The following TNNI2 variants were observed in gnomAD, a reference collection of about 807,000 sequenced individuals.
The protein encoded by TNNI2 is troponin I2, fast skeletal type.
A neutral mutation model predicts 26.5 loss-of-function variants in TNNI2; 14 were observed. The observed-to-expected ratio is 0.53, with a 90% CI of 0.35 to 0.83. TNNI2 has a LOEUF of 0.83. Among genes scored for constraint, TNNI2 ranks in the 40% least tolerant of loss-of-function variants. The probability of loss-of-function intolerance (pLI) is 0.01; values close to 1 mark genes in which losing one functional copy is unlikely to be tolerated. For missense variants in TNNI2, 205 were observed against 248.5 expected (o/e 0.82, Z 1.18); for synonymous variants, 126 against 97.6 (o/e 1.29, Z -1.71).
At position 1,840,449 on chromosome 11, in the gene TNNI2, G is replaced by A. The variant is rs772633470; in HGVS notation, c.57+5G>A. Reference sequence around the variant, plus strand: ...GCCCGCAGGCAGCACCTGAAGGTAGGTGTGGGCTCCCGGGGGGGTGGCCCA... The same window carrying A: ...GCCCGCAGGCAGCACCTGAAGGTAGATGTGGGCTCCCGGGGGGGTGGCCCA... On this transcript the variant is annotated splice_donor_5th_base_variant and intron_variant, in intron 4 of 7. Transcript: ENST00000381911. 13 of 1,610,962 alleles carry A rather than the reference G, an allele frequency of 8.1e-6. No individual in the cohort carries two copies. Among genetic ancestry groups the A allele is most frequent in the Non-Finnish European group, 1.1e-5 (13 of 1,179,594 alleles).
Position 1,840,378 on chromosome 11 carries a change from C to G in TNNI2, c.16-25C>G, listed in dbSNP as rs767879364. ...TGCTCCAGGCCTGGAGGCCCTGACT[C>G]GACCCCCTGTCCCCTGCCCTGCAGA... is the stretch of plus-strand genomic sequence containing the variant. On this transcript the variant is annotated intron_variant, in intron 3 of 7. Coordinates refer to ENST00000381911, the MANE Select transcript of TNNI2 (RefSeq NM_003282.4). 10 of 1,602,412 alleles carry G rather than the reference C, an allele frequency of 6.2e-6. No homozygotes were observed. The East Asian group carries it at 2.0e-4, about 32-fold the overall frequency.
chr11:1,840,905 G>T lies in TNNI2; in HGVS notation c.273G>T (p.Lys91Asn), dbSNP rs765640080. The T allele has an allele frequency of 6.2e-7, 1 of 1,611,966 alleles. No homozygotes were observed. Among genetic ancestry groups the T allele is most frequent in the South Asian group, 1.1e-5 (1 of 91,008 alleles). ...AGGTGAGGGTGCAGAAGACCAGCAAGGAGGTGAGTGGTGGCGGCGGGCCGG... is the reference window on the plus strand; with the variant it reads ...AGGTGAGGGTGCAGAAGACCAGCAATGAGGTGAGTGGTGGCGGCGGGCCGG... ...DMEVRVQKTS[K>N]ELEDMNQKLF... Residue 91 changes from lysine (K) to asparagine (N), a missense_variant, in exon 6 of 8, where the codon AAG becomes AAT. Lys to Asn is a moderately conservative substitution (Grantham distance 94, BLOSUM62 0). Transcript: ENST00000381911.
At chr11:1,840,368 G>T in intron 3 of TNNI2, 35 bp from the exon 4 acceptor site, 1 of 1,596,014 alleles carries the variant, frequency 6.3e-7, no homozygotes, top group East Asian at 2.3e-5. Flanking sequence ...CAGGCCTGGA[G>T]GCCCTGACTC....
At chr11:1,840,068 C>A in intron 3 of TNNI2, 2 of 1,080,790 alleles carry the variant, frequency 1.9e-6, no homozygotes, top group Non-Finnish European at 2.7e-6. Flanking sequence ...GTGGCTGTGG[C>A]CTGGTCACAG....
rs1315543039 is a variant in TNNI2 at position 1,840,593 on chromosome 11, G to A, written c.123G>A (p.Lys41=). The change falls in exon 5 of 8, where the codon AAG becomes AAA. Residue 41 remains lysine (K), a synonymous_variant. Coordinates refer to ENST00000381911, the MANE Select transcript of TNNI2 (RefSeq NM_003282.4). ...AGGAGAGCCGCCGTGAGGCAGAGAA[G>A]CAGAACTACCTGGCGGAGCACTGCC... is the stretch of plus-strand genomic sequence containing the variant. ...EKEESRREAE[K]QNYLAEHCPP... is the part of the protein sequence containing the mutation. 1.2e-6 allele frequency: 2 copies of A among 1,612,730 alleles called. No individual in the cohort carries two copies. The highest frequency in any genetic ancestry group is 3.3e-5 in the Admixed American group (2 of 60,010).
At position 1,839,556 on chromosome 11, in the gene TNNI2, G is replaced by C; in HGVS notation, c.-22-119G>C. On this transcript the variant is annotated intron_variant, in intron 1 of 7. Transcript: ENST00000381911. ...AGAGTAGGGGGAGGAGGTGAGAGTA[G>C]GGGGTGGGCGGGAGGGGGCTGTCAT... The C allele has an allele frequency of 4.2e-6, 4 of 960,172 alleles. No individual in the cohort carries two copies. In the South Asian group the frequency reaches 6.1e-5, roughly 15 times the overall value. The allele number at this position is 960,172 out of a possible 1,614,324, so 59.5% of individuals were successfully genotyped here.
At position 1,840,693 on chromosome 11, in the gene TNNI2, A is replaced by T. The variant is rs374343181; in HGVS notation, c.186+37A>T. The T allele has an allele frequency of 6.8e-6, 11 of 1,612,134 alleles. No homozygotes were observed. In the African/African-American group the frequency reaches 9.3e-5, roughly 14 times the overall value. ...TCCCCGGCCACCCCGCCTCCCCAGC[A>T]GCAGGCCTGCCTGCTAACTCAGTTT... On this transcript the variant is annotated intron_variant, in intron 5 of 7. Transcript: ENST00000381911.
intron 1 of TNNI2, chr11:1,839,446 G>A (rs1234898088): frequency 3.1e-5 from 14 of 445,380 alleles, no homozygotes; most frequent in Non-Finnish European, 5.9e-5. Flanking sequence ...CAGCTCCTCA[G>A]GCTATGCCTG....
chr11:1,839,936 G>C, intron 3 of TNNI2, 81 bp downstream of exon 3: 1 of 1,586,716 alleles, frequency 6.3e-7, no homozygotes, highest in Non-Finnish European at 8.6e-7. Context: ...ACAGCCTCAA[G>C]GCCCTAAGGC....
chr11:1,839,999 C>T, intron 3 of TNNI2, 144 bp downstream of exon 3: 1 of 1,299,322 alleles, frequency 7.7e-7, no homozygotes, highest in Non-Finnish European at 1.1e-6. Context: ...CACCCACCCA[C>T]CAAGACGCTG....
chr11:1,840,798 C>A (rs199609526), intron 5 of TNNI2, 21 bp from the exon 6 acceptor site: 1 of 1,605,574 alleles, frequency 6.2e-7, no homozygotes, highest in East Asian at 2.3e-5. Flanking sequence ...GACGGCCGCC[C>A]GCCCCCACAC....
intron 3 of TNNI2, 137 bp downstream of exon 3, chr11:1,839,992 C>T: frequency 2.9e-6 from 4 of 1,358,858 alleles, no homozygotes; most frequent in Non-Finnish European, 3.0e-6. Flanking sequence ...AGTGCCCCAC[C>T]CACCCACCAA....
At position 1,840,310 on chromosome 11, in the gene TNNI2, C is replaced by T. The variant is rs997702386; in HGVS notation, c.16-93C>T. On this transcript the variant is annotated intron_variant, in intron 3 of 7. Coordinates refer to ENST00000381911, the MANE Select transcript of TNNI2 (RefSeq NM_003282.4). ...CCCCAGGCTCTGCTGGTCCCGGAGC[C>T]GGAGCCCCTGACCTGGCCAGGGAGC... is the stretch of plus-strand genomic sequence containing the variant. 46 of 1,547,382 alleles carry T rather than the reference C, an allele frequency of 3.0e-5. 1 individual carries two copies. The highest frequency in any genetic ancestry group is 3.6e-5 in the South Asian group (3 of 84,154).
At position 1,840,659 on chromosome 11, in the gene TNNI2, A is replaced by G. The variant is rs773232933; in HGVS notation, c.186+3A>G. 1 of 1,612,528 alleles carries G rather than the reference A, an allele frequency of 6.2e-7. No homozygotes were observed. Among genetic ancestry groups the G allele is most frequent in the South Asian group, 1.1e-5 (1 of 91,080 alleles). ...CGGGCTCCATGTCTGAAGTGCAGGT[A>G]CCAGCCCCTCCCCGGCCACCCCGCC... On this transcript the variant is annotated splice_donor_region_variant and intron_variant, in intron 5 of 7. Coordinates refer to ENST00000381911, the MANE Select transcript of TNNI2 (RefSeq NM_003282.4).
intron 6 of TNNI2, 30 bp from the exon 7 acceptor site, chr11:1,841,001 C>T (rs374783629): frequency 1.9e-5 from 31 of 1,606,198 alleles, no homozygotes; most frequent in South Asian, 3.3e-5. Context: ...ACCGGGACCT[C>T]GGGCTCCCAC....
Position 1,840,423 on chromosome 11 carries a change from G to A in TNNI2, c.36G>A (p.Thr12=), listed in dbSNP as rs201930714. 758 of 1,610,532 alleles carry A rather than the reference G, an allele frequency of 4.7e-4. 2 individuals are homozygous for A. Among genetic ancestry groups the A allele is most frequent in the Non-Finnish European group, 6.0e-4 (713 of 1,179,498 alleles). ...TGCAGAAGCGGAACAGGGCCATCAC[G>A]GCCCGCAGGCAGCACCTGAAGGTAG... is the stretch of plus-strand genomic sequence containing the variant. The part of the protein sequence containing the change: ...GDEEKRNRAI[T]ARRQHLKSVM... The change falls in exon 4 of 8, where the codon ACG becomes ACA. Residue 12 remains threonine (T), a synonymous_variant. Transcript: ENST00000381911.
chr11:1,839,459 A>C, intron 1 of TNNI2: 3 of 353,970 alleles, frequency 8.5e-6, no homozygotes, highest in Non-Finnish European at 1.7e-5. Flanking sequence ...TATGCCTGGG[A>C]CATTTTGGGA....
intron 6 of TNNI2, 32 bp from the exon 7 acceptor site, chr11:1,840,999 C>G: frequency 6.2e-7 from 1 of 1,605,692 alleles, no homozygotes; most frequent in East Asian, 2.3e-5. Context: ...CCACCGGGAC[C>G]TCGGGCTCCC....
intron 3 of TNNI2, 95 bp from the exon 4 acceptor site, chr11:1,840,308 G>A: frequency 6.5e-7 from 1 of 1,547,046 alleles, no homozygotes; most frequent in Non-Finnish European, 8.7e-7. Context: ...TGGTCCCGGA[G>A]CCGGAGCCCC....
Sources: allele counts gnomAD v4.1 joint callset, GRCh38; gene constraint gnomAD v4.1.1; transcripts MANE v1.5; gene names NCBI Gene and HGNC (gene_info 2026-07-23, HGNC 2026-07-21).